Variants in IL6ST observed in about 807,000 individuals in gnomAD.
IL6ST encodes interleukin 6 cytokine family signal transducer.
Under a neutral mutation model 91.3 loss-of-function variants are expected in IL6ST, and 24 were observed. The ratio of observed to expected loss-of-function variants is 0.26; its 90% CI spans 0.19 to 0.37. The LOEUF is 0.37. IL6ST is among the 10% of genes least tolerant of loss of function. The probability of loss-of-function intolerance (pLI) is 1.00; values close to 1 mark genes in which losing one functional copy is unlikely to be tolerated. For synonymous variants in IL6ST, 351 were observed against 373.6 expected, an observed-to-expected ratio of 0.94 and a Z score of 0.70; for missense variants, 914 against 1,078.5, an observed-to-expected ratio of 0.85 and a Z score of 2.14.
chr5:55,948,001 T>C (rs6878053), intron 14 of IL6ST, among the ~76,000 whole-genome samples: 5,241 of 152,244 alleles, frequency 0.034, 178 homozygotes, highest in African/African-American at 0.088. Context: ...CAAATATAAA[T>C]ACTGGGTAAA....
At chr5:55,987,398 T>C (rs927298669) in intron 1 of IL6ST, among the ~76,000 whole-genome samples, 3 of 152,176 alleles carry the variant, frequency 2.0e-5, no homozygotes, top group Admixed American at 6.5e-5. Flanking sequence ...AATTACTATA[T>C]TAACAGACCA....
At chr5:55,950,273 A>G in intron 14 of IL6ST, 1 of 452,202 alleles carries the variant, frequency 2.2e-6, no homozygotes, top group Non-Finnish European at 4.4e-6. Flanking sequence ...GCGGTGGCTC[A>G]TGCCTGTAAT....
intron 11 of IL6ST, among the ~76,000 whole-genome samples, chr5:55,953,898 G>T (rs977274642): frequency 6.6e-6 from 1 of 152,112 alleles, no homozygotes; most frequent in African/African-American, 2.4e-5. Context: ...GAGGCAGAAG[G>T]GTCACTTCAG....
chr5:55,938,362 A>G lies in IL6ST; in HGVS notation c.*2720T>C, dbSNP rs185859725. The G allele has an allele frequency of 1.0e-5, 2 of 191,452 alleles. No homozygotes were observed. Among genetic ancestry groups the G allele is most frequent in the Non-Finnish European group, 2.2e-5 (2 of 91,444 alleles). The allele number at this position is 191,452 out of a possible 1,614,324, so 11.9% of individuals were successfully genotyped here. ...TTAAAATTTTAGGTTTTAATGGTAC[A>G]AAGTGTGAAGTTTTATAGTTTTCTA... On this transcript the variant is annotated 3_prime_UTR_variant, in exon 17 of 17. Transcript: ENST00000381298.
intron 5 of IL6ST, among the ~76,000 whole-genome samples, 188 bp downstream of exon 5, chr5:55,968,088 C>T (rs888271262): frequency 2.0e-5 from 3 of 152,046 alleles, no homozygotes; most frequent in Non-Finnish European, 2.9e-5. Context: ...TGGGCCGCCG[C>T]GCCTGGGGGA....
chr5:55,952,392 G>A (rs768785627), intron 11 of IL6ST, 41 bp from the exon 12 acceptor site: 2 of 1,195,618 alleles, frequency 1.7e-6, no homozygotes, highest in Non-Finnish European at 2.4e-6. Context: ...TTTCCATAAT[G>A]AAAAAGTCAA....
chr5:55,965,593 G>A (rs1752582847), intron 5 of IL6ST, among the ~76,000 whole-genome samples: 1 of 152,104 alleles, frequency 6.6e-6, no homozygotes, highest in Admixed American at 6.6e-5. Context: ...AAACCAGAGA[G>A]TTTTGGGAAA....
At chr5:55,980,632 C>G (rs1753603691) in intron 2 of IL6ST, among the ~76,000 whole-genome samples, 1 of 152,138 alleles carries the variant, frequency 6.6e-6, no homozygotes, top group African/African-American at 2.4e-5. Flanking sequence ...TTCAATCGTA[C>G]TCCAAACCTC....
intron 15 of IL6ST, among the ~76,000 whole-genome samples, 166 bp downstream of exon 15, chr5:55,947,327 A>C (rs1751328359): frequency 6.6e-6 from 1 of 152,176 alleles, no homozygotes; most frequent in Non-Finnish European, 1.5e-5. Flanking sequence ...AGCTTTATAA[A>C]AGTGATGAAA....
At chr5:55,961,667 A>C (rs1752323816) in intron 7 of IL6ST, among the ~76,000 whole-genome samples, 1 of 152,056 alleles carries the variant, frequency 6.6e-6, no homozygotes, top group South Asian at 2.1e-4. Context: ...CTGAGGCAGA[A>C]GAATCGCTTG....
rs1293577385 is a variant in IL6ST, at chr5:55,940,983, CAG to C, written c.*97_*98del. On this transcript the variant is annotated 3_prime_UTR_variant, in exon 17 of 17. Coordinates refer to ENST00000381298, the MANE Select transcript of IL6ST (RefSeq NM_002184.4). Reference sequence around the variant, plus strand: ...GTCCTTAAGGGCAAATGATCATCTTCAGAGAGTGAAGACTTTTTAAAATCTGA... The same window carrying C: ...GTCCTTAAGGGCAAATGATCATCTTCAGAGTGAAGACTTTTTAAAATCTGA... 1 of 1,218,410 alleles carries C rather than the reference CAG, an allele frequency of 8.2e-7. No individual in the cohort carries two copies. Among genetic ancestry groups the C allele is most frequent in the African/African-American group, 1.5e-5 (1 of 65,968 alleles). 75.5% of individuals were successfully genotyped at this position (1,218,410 alleles called of 1,614,324 possible).
chr5:55,957,997 TAA>T (rs1166123090), intron 8 of IL6ST, among the ~76,000 whole-genome samples: 1 of 152,234 alleles, frequency 6.6e-6, no homozygotes, highest in East Asian at 1.9e-4. Context: ...TGTACTAAAA[TAA>T]GTTTATTACT....
intron 3 of IL6ST, among the ~76,000 whole-genome samples, chr5:55,975,342 T>C (rs2111851572): frequency 6.6e-6 from 1 of 152,282 alleles, no homozygotes; most frequent in Non-Finnish European, 1.5e-5. Context: ...TTCCTCCTGT[T>C]CTCGCTATGT....
chr5:55,955,992 C>T (rs1325346726), intron 10 of IL6ST, 33 bp downstream of exon 10: 1 of 1,490,466 alleles, frequency 6.7e-7, no homozygotes, highest in Admixed American at 1.7e-5. Flanking sequence ...ATTTTTCCAC[C>T]CAAGAGTCAG....
chr5:55,935,303 T>C lies in IL6ST; in HGVS notation c.*5779A>G, dbSNP rs868855545. ...CACTTTTTTGACATGTAAAATGACA[T>C]AACCATAGTCACAGGGAATAAAGAA... is the stretch of plus-strand genomic sequence containing the variant. On this transcript the variant is annotated 3_prime_UTR_variant, in exon 17 of 17. Transcript: ENST00000381298. 6.2e-5 allele frequency: 12 copies of C among 193,850 alleles called. No homozygotes were observed. Among genetic ancestry groups the C allele is most frequent in the African/African-American group, 2.3e-4 (10 of 43,116 alleles). The allele number at this position is 193,850 out of a possible 1,614,324, so 12.0% of individuals were successfully genotyped here.
At chr5:55,950,965 A>G (rs994393850) in intron 14 of IL6ST, among the ~76,000 whole-genome samples, 3 of 151,352 alleles carry the variant, frequency 2.0e-5, no homozygotes, top group African/African-American at 7.3e-5. Flanking sequence ...AAAAAAAAAA[A>G]GTAGAAAAAA....
chr5:55,973,472 G>A (rs2111838260), intron 3 of IL6ST, among the ~76,000 whole-genome samples: 1 of 152,274 alleles, frequency 6.6e-6, no homozygotes, highest in Middle Eastern at 3.4e-3. Context: ...TTAGAACCCA[G>A]CCACACATTG....
intron 14 of IL6ST, among the ~76,000 whole-genome samples, chr5:55,948,709 C>T (rs76586011): frequency 3.9e-5 from 6 of 152,080 alleles, no homozygotes; most frequent in Non-Finnish European, 8.8e-5. Flanking sequence ...TGTTTTCAAG[C>T]CTGTGCCTTT....
chr5:55,964,320 CA>C lies in IL6ST; in HGVS notation c.492-9del, dbSNP rs1752514781. Reference sequence around the variant, plus strand: ...GCAAACTTGTGTGTTGCCCTAAATACAAAAAATTGAAGAATCAGTCATTAAA... The same window carrying C: ...GCAAACTTGTGTGTTGCCCTAAATACAAAAATTGAAGAATCAGTCATTAAA... On this transcript the variant is annotated splice_polypyrimidine_tract_variant and intron_variant, in intron 5 of 16. Transcript: ENST00000381298. The C allele has an allele frequency of 3.8e-6, 6 of 1,590,096 alleles. No homozygotes were observed. The highest frequency in any genetic ancestry group is 3.4e-6 in the Non-Finnish European group (4 of 1,168,382).
Sources: allele counts gnomAD v4.1 joint callset (sites outside exome capture counted in the v4.1 genomes callset), GRCh38; gene constraint gnomAD v4.1.1; transcripts MANE v1.5; gene names NCBI Gene and HGNC (gene_info 2026-07-23, HGNC 2026-07-21).